The following ROCK1 variants were observed in gnomAD, a reference collection of about 807,000 sequenced individuals.
ROCK1 encodes rho-associated protein kinase 1.
ROCK1 carries 36 observed loss-of-function variants against 196.8 expected under a neutral mutation model. The ratio of observed to expected loss-of-function variants is 0.18; its 90% CI spans 0.14 to 0.24. The LOEUF is 0.24. Among genes scored for constraint, ROCK1 ranks in the 10% least tolerant of loss-of-function variants. The pLI is 1.00. For missense variants in ROCK1, 920 were observed against 1,562.0 expected, an observed-to-expected ratio of 0.59 and a Z score of 6.93; for synonymous variants, 443 against 515.9, an observed-to-expected ratio of 0.86 and a Z score of 1.91.
chr18:21,008,232 T>C (rs2035785162), intron 13 of ROCK1, 38 bp from the exon 14 acceptor site: 3 of 1,437,582 alleles, frequency 2.1e-6, no homozygotes, highest in Non-Finnish European at 2.8e-6. Flanking sequence ...CTGTGATTAA[T>C]ACTCTGGTCA....
In ROCK1 at chr18:21,059,386, A is replaced by T. The variant is rs74953817; in HGVS notation, c.176-9506T>A. ...CTGGGACATTATTTCCCTATATTTC[A>T]CCTAACAATCTGAACTGGAATTGTT... On this transcript the variant is annotated intron_variant, in intron 2 of 32. Coordinates refer to ENST00000399799, the MANE Select transcript of ROCK1 (RefSeq NM_005406.3). Among the ~76,000 whole-genome samples, 1,288 of 152,172 alleles carry T rather than the reference A, an allele frequency of 8.5e-3. 10 individuals carry two copies. Among genetic ancestry groups the T allele is most frequent in the Non-Finnish European group, 0.014 (982 of 67,980 alleles).
intron 1 of ROCK1, among the ~76,000 whole-genome samples, chr18:21,098,182 G>T (rs1407040377): frequency 6.6e-6 from 1 of 152,260 alleles, no homozygotes; most frequent in East Asian, 1.9e-4. Context: ...AAGCTGAAGA[G>T]ATATTAGAAA....
intron 16 of ROCK1, among the ~76,000 whole-genome samples, chr18:20,995,913 G>A (rs956567184): frequency 1.1e-4 from 17 of 152,026 alleles, no homozygotes; most frequent in East Asian, 3.9e-4. Flanking sequence ...AAGTCCCTTC[G>A]AATACCTGGA....
At chr18:20,965,671 T>C (rs765739262) in intron 27 of ROCK1, among the ~76,000 whole-genome samples, 13 of 152,204 alleles carry the variant, frequency 8.5e-5, no homozygotes, top group African/African-American at 1.2e-4. Context: ...CAGGTTCTTA[T>C]TAAATTCAAA....
At chr18:20,972,893 T>G (rs1423837608) in intron 22 of ROCK1, among the ~76,000 whole-genome samples, 1 of 152,230 alleles carries the variant, frequency 6.6e-6, no homozygotes, top group Non-Finnish European at 1.5e-5. Context: ...GATAATGTAG[T>G]TAAAAGACGC....
chr18:21,036,786 A>C lies in ROCK1; in HGVS notation c.1051+2686T>G, dbSNP rs2036061285. Among the ~76,000 whole-genome samples the C allele has an allele frequency of 1.3e-5, 2 of 152,094 alleles. 1 individual carries two copies. On this transcript the variant is annotated intron_variant, in intron 9 of 32. Coordinates refer to ENST00000399799, the MANE Select transcript of ROCK1 (RefSeq NM_005406.3). ...AGCCACCTGGCCCTATTCATTATTA[A>C]TATTAATATGTTAAATATGTGGTAA... is the stretch of plus-strand genomic sequence containing the variant.
chr18:20,985,891 C>T (rs967072511), intron 19 of ROCK1, among the ~76,000 whole-genome samples: 20 of 152,284 alleles, frequency 1.3e-4, no homozygotes, highest in African/African-American at 4.1e-4. Context: ...TAGGGTCTCA[C>T]TCTGATGTCC....
At chr18:21,023,746 A>G in intron 10 of ROCK1, 66 bp from the exon 11 acceptor site, 1 of 818,056 alleles carries the variant, frequency 1.2e-6, no homozygotes, top group Non-Finnish European at 2.0e-6. Flanking sequence ...ATGACAACCA[A>G]TAATAAATAC....
At chr18:21,090,099 A>C (rs757457984) in intron 1 of ROCK1, among the ~76,000 whole-genome samples, 2 of 152,202 alleles carry the variant, frequency 1.3e-5, no homozygotes, top group Non-Finnish European at 2.9e-5. Flanking sequence ...CTTTGAATGG[A>C]TCTTTTATTC....
Position 21,023,631 on chromosome 18 carries a change from C to G in ROCK1, c.1261G>C (p.Asp421His). The change falls in exon 11 of 33, where the codon GAT becomes CAT. Residue 421 changes from aspartate (D) to histidine (H), a missense_variant. Physicochemically the swap from Asp to His is moderately conservative, Grantham distance 81. Coordinates refer to ENST00000399799, the MANE Select transcript of ROCK1 (RefSeq NM_005406.3). The stretch of plus-strand genomic sequence containing the variant: ...AAGAAAATACCTACCAAGCTTTTAT[C>G]TGCATTGGAGCTAGTTCTGTTATCA... ...PNDNRTSSNA[D>H]KSLQESLQKT... The G allele has an allele frequency of 6.4e-7, 1 of 1,552,930 alleles. No homozygotes were observed. Among genetic ancestry groups the G allele is most frequent in the Non-Finnish European group, 8.7e-7 (1 of 1,143,842 alleles).
At chr18:21,030,165 A>G (rs2035993954) in intron 9 of ROCK1, among the ~76,000 whole-genome samples, 1 of 152,182 alleles carries the variant, frequency 6.6e-6, no homozygotes, top group African/African-American at 2.4e-5. Context: ...CAGCTTTCTA[A>G]TATTTGTAAA....
intron 12 of ROCK1, among the ~76,000 whole-genome samples, chr18:21,016,561 T>C (rs565950299): frequency 2.0e-5 from 3 of 152,326 alleles, no homozygotes; most frequent in Non-Finnish European, 4.4e-5. Context: ...TCAAAACCTA[T>C]ATATGCAACA....
At chr18:21,059,651 T>C (rs1246313298) in intron 2 of ROCK1, among the ~76,000 whole-genome samples, 3 of 152,204 alleles carry the variant, frequency 2.0e-5, no homozygotes, top group African/African-American at 2.4e-5. Flanking sequence ...ATGTTAAATA[T>C]AGAATTACCA....
chr18:20,960,856 T>C (rs1211786400), intron 27 of ROCK1: 1 of 152,168 alleles, frequency 6.6e-6, no homozygotes, highest in Non-Finnish European at 1.5e-5. Flanking sequence ...AGCACTTAAC[T>C]CTAGTGCTAA....
intron 12 of ROCK1, among the ~76,000 whole-genome samples, chr18:21,016,933 C>T (rs2035867809): frequency 6.6e-6 from 1 of 151,816 alleles, no homozygotes; most frequent in African/African-American, 2.4e-5. Flanking sequence ...CCTTGCCATC[C>T]TCCCCATTCT....
At chr18:21,102,286 TAC>T (rs1448650689) in intron 1 of ROCK1, among the ~76,000 whole-genome samples, 4 of 152,216 alleles carry the variant, frequency 2.6e-5, no homozygotes, top group African/African-American at 9.7e-5. Context: ...CTGAAAACTA[TAC>T]ACTTAATTGC....
At chr18:21,086,108 A>G (rs932382707) in intron 1 of ROCK1, among the ~76,000 whole-genome samples, 2 of 107,514 alleles carry the variant, frequency 1.9e-5, no homozygotes, top group Admixed American at 2.9e-4. Context: ...TAGTATGGAA[A>G]TAATTTTTTT....
At chr18:20,997,306 TAAAACA>T (rs745932548) in intron 16 of ROCK1, among the ~76,000 whole-genome samples, 4 of 151,738 alleles carry the variant, frequency 2.6e-5, no homozygotes, top group Non-Finnish European at 4.4e-5. Flanking sequence ...CCATGCCAAT[TAAAACA>T]AAAACAAAAA....
At chr18:20,995,390 C>T (rs1046217085) in intron 16 of ROCK1, among the ~76,000 whole-genome samples, 25 of 152,194 alleles carry the variant, frequency 1.6e-4, no homozygotes, top group African/African-American at 6.0e-4. Context: ...ATTTGAACAA[C>T]CATTCGCACA....
Sources: allele counts gnomAD v4.1 joint callset (sites outside exome capture counted in the v4.1 genomes callset), GRCh38; gene constraint gnomAD v4.1.1; transcripts MANE v1.5; gene names NCBI Gene and HGNC (gene_info 2026-07-23, HGNC 2026-07-21).